Variants in SNTB1 observed in about 807,000 individuals in gnomAD.
The protein encoded by SNTB1 is syntrophin beta 1, also known as beta-1-syntrophin.
Under a neutral mutation model 48.9 loss-of-function variants are expected in SNTB1, and 36 were observed. The ratio of observed to expected loss-of-function variants is 0.74; its 90% CI spans 0.56 to 0.97. The LOEUF is 0.97. SNTB1 is among the 50% of genes least tolerant of loss of function. The pLI, the probability that SNTB1 is intolerant of heterozygous loss-of-function variation, is 0.00. For synonymous variants in SNTB1, 299 were observed against 294.6 expected (o/e 1.01, Z -0.15); for missense variants, 786 against 703.4 (o/e 1.12, Z -1.33).
At chr8:120,618,482 G>A (rs1816748677) in intron 3 of SNTB1, among the ~76,000 whole-genome samples, 1 of 152,170 alleles carries the variant, frequency 6.6e-6, no homozygotes, top group African/African-American at 2.4e-5. Context: ...TGTCTGACGT[G>A]TCACCATCAT....
At chr8:120,606,378 T>A (rs1336978490) in intron 3 of SNTB1, among the ~76,000 whole-genome samples, 1 of 144,114 alleles carries the variant, frequency 6.9e-6, no homozygotes, top group Non-Finnish European at 1.5e-5. Flanking sequence ...TATGTCAGTA[T>A]AAAATACTAT....
chr8:120,704,214 T>A (rs1818347371), intron 1 of SNTB1, among the ~76,000 whole-genome samples: 1 of 152,114 alleles, frequency 6.6e-6, no homozygotes. Context: ...ACTTTGGGAG[T>A]ATGAGGTGGG....
chr8:120,627,765 A>C (rs1017336026), intron 3 of SNTB1, among the ~76,000 whole-genome samples: 1 of 152,082 alleles, frequency 6.6e-6, no homozygotes, highest in East Asian at 1.9e-4. Context: ...ACTGCTCTAG[A>C]TGGGATTGTT....
intron 2 of SNTB1, among the ~76,000 whole-genome samples, chr8:120,666,012 T>C (rs1208916389): frequency 6.6e-6 from 1 of 152,166 alleles, no homozygotes; most frequent in African/African-American, 2.4e-5. Context: ...CCTCTAGTAT[T>C]GTCTTTTTTT....
rs2129737054 is a variant in SNTB1, at chr8:120,657,268, T to G, written c.789-24617A>C. ...GCCCCAGTGTACAATTTTATCAGTA[T>G]TATCTTGGCAGTATCTCCCTTTCAG... is the stretch of plus-strand genomic sequence containing the variant. On this transcript the variant is annotated intron_variant, in intron 2 of 6. Coordinates refer to ENST00000517992, the MANE Select transcript of SNTB1 (RefSeq NM_021021.4). 1.3e-5 allele frequency among the ~76,000 whole-genome samples: 2 copies of G among 152,338 alleles called. 1 individual carries two copies. The highest frequency in any genetic ancestry group is 4.1e-4 in the South Asian group (2 of 4,822).
intron 2 of SNTB1, among the ~76,000 whole-genome samples, chr8:120,661,519 G>A (rs992211907): frequency 6.6e-6 from 1 of 152,002 alleles, no homozygotes; most frequent in Non-Finnish European, 1.5e-5. Context: ...TAGGATACAT[G>A]TGCTGAACAT....
At chr8:120,661,449 G>C (rs1817586107) in intron 2 of SNTB1, among the ~76,000 whole-genome samples, 1 of 152,084 alleles carries the variant, frequency 6.6e-6, no homozygotes, top group Non-Finnish European at 1.5e-5. Context: ...TACTATTATT[G>C]AGCCTAGAGT....
At chr8:120,736,411 AGG>A (rs984652607) in intron 1 of SNTB1, among the ~76,000 whole-genome samples, 3 of 152,226 alleles carry the variant, frequency 2.0e-5, no homozygotes, top group Non-Finnish European at 4.4e-5. Flanking sequence ...TGCAACAGGC[AGG>A]TATCAGTGAA....
At chr8:120,663,336 A>G (rs549010465) in intron 2 of SNTB1, among the ~76,000 whole-genome samples, 1 of 152,360 alleles carries the variant, frequency 6.6e-6, no homozygotes, top group Non-Finnish European at 1.5e-5. Flanking sequence ...GAGCATCCCA[A>G]GAAGAGCAGC....
intron 2 of SNTB1, among the ~76,000 whole-genome samples, chr8:120,675,513 A>C (rs1232887408): frequency 6.6e-6 from 1 of 152,208 alleles, no homozygotes; most frequent in Admixed American, 6.5e-5. Flanking sequence ...TCACTGGAGA[A>C]GCCAGGCTAA....
chr8:120,638,384 G>A (rs976200437), intron 2 of SNTB1, among the ~76,000 whole-genome samples: 2 of 151,960 alleles, frequency 1.3e-5, no homozygotes, highest in African/African-American at 2.4e-5. Flanking sequence ...ACAGAAAGAG[G>A]AATGAGTATT....
At position 120,580,252 on chromosome 8, in the gene SNTB1, T is replaced by C. The variant is rs545337468; in HGVS notation, c.997-5027A>G. On this transcript the variant is annotated intron_variant, in intron 3 of 6. Transcript: ENST00000517992. ...ACATATTTACTTTCCACCTTCTACT[T>C]GAGCACGCATGGCAGGAAGAGCTCA... 3.9e-4 allele frequency among the ~76,000 whole-genome samples: 60 copies of C among 152,298 alleles called. No homozygotes were observed. In the South Asian group the frequency reaches 7.0e-3, roughly 18 times the overall value.
intron 6 of SNTB1, among the ~76,000 whole-genome samples, chr8:120,539,412 T>A (rs1035811162): frequency 2.6e-5 from 4 of 152,242 alleles, no homozygotes; most frequent in African/African-American, 9.6e-5. Flanking sequence ...GTCCTACTAA[T>A]TCACAGAGTC....
chr8:120,779,469 T>C (rs774565884), intron 1 of SNTB1, among the ~76,000 whole-genome samples: 19 of 152,016 alleles, frequency 1.2e-4, no homozygotes, highest in Non-Finnish European at 1.8e-4. Context: ...TGCCACTGCA[T>C]TCCAGCCTGG....
intron 1 of SNTB1, among the ~76,000 whole-genome samples, chr8:120,732,000 C>T (rs1220846965): frequency 6.6e-6 from 1 of 152,146 alleles, no homozygotes; most frequent in Non-Finnish European, 1.5e-5. Flanking sequence ...ACTGGAGCTT[C>T]CTTTGAAAGC....
At chr8:120,651,974 A>T (rs150096783) in intron 2 of SNTB1, among the ~76,000 whole-genome samples, 10 of 152,350 alleles carry the variant, frequency 6.6e-5, no homozygotes, top group African/African-American at 1.7e-4. Flanking sequence ...GATGAGTTCA[A>T]TTAGGAGGGA....
At chr8:120,719,946 A>T (rs1031053358) in intron 1 of SNTB1, among the ~76,000 whole-genome samples, 5 of 152,246 alleles carry the variant, frequency 3.3e-5, no homozygotes, top group Non-Finnish European at 7.3e-5. Flanking sequence ...CTATTTGTAA[A>T]ATGACTTCAA....
At position 120,721,844 on chromosome 8, in the gene SNTB1, C is replaced by T. The variant is rs892869163; in HGVS notation, c.572-27936G>A. Among the ~76,000 whole-genome samples, 111 of 152,028 alleles carry T rather than the reference C, an allele frequency of 7.3e-4. 1 individual carries two copies. The highest frequency in any genetic ancestry group is 1.1e-3 in the Non-Finnish European group (73 of 67,990). ...TGCTGGCCTGCTGCACCCATCGACCCGTCATTTACATTAGGTATTTCTCCC... is the reference window on the plus strand; with the variant it reads ...TGCTGGCCTGCTGCACCCATCGACCTGTCATTTACATTAGGTATTTCTCCC... On this transcript the variant is annotated intron_variant, in intron 1 of 6. Transcript: ENST00000517992.
chr8:120,802,223 A>G (rs1820241008), intron 1 of SNTB1, among the ~76,000 whole-genome samples: 3 of 152,206 alleles, frequency 2.0e-5, no homozygotes, highest in African/African-American at 7.2e-5. Flanking sequence ...ATAAATTAAC[A>G]GTCAATAAAA....
Sources: gnomAD v4.1 joint callset for allele counts (sites outside exome capture counted in the v4.1 genomes callset) on GRCh38, gnomAD v4.1.1 for gene constraint, MANE v1.5 for transcripts, NCBI Gene and HGNC (gene_info 2026-07-23, HGNC 2026-07-21) for gene names.